Variants in CBLB observed in about 807,000 individuals in gnomAD.
The protein encoded by CBLB is Cbl proto-oncogene B.
Under a neutral mutation model 104.9 loss-of-function variants are expected in CBLB, and 31 were observed. The ratio of observed to expected loss-of-function variants is 0.30; its 90% CI spans 0.22 to 0.40. CBLB has a LOEUF of 0.40. Among genes scored for constraint, CBLB ranks in the 10% least tolerant of loss-of-function variants. The probability of loss-of-function intolerance (pLI) is 1.00; values close to 1 mark genes in which losing one functional copy is unlikely to be tolerated. For synonymous variants in CBLB, 440 were observed against 422.6 expected (o/e 1.04, Z -0.51); for missense variants, 1,062 against 1,214.6 (o/e 0.87, Z 1.87).
At chr3:105,664,520 A>G (rs2064156104) in intron 18 of CBLB, among the ~76,000 whole-genome samples, 1 of 152,182 alleles carries the variant, frequency 6.6e-6, no homozygotes, top group Admixed American at 6.5e-5. Context: ...AATGTTCCTT[A>G]TTGAAGATAG....
At chr3:105,736,441 G>C (rs2074949230) in intron 8 of CBLB, among the ~76,000 whole-genome samples, 1 of 152,096 alleles carries the variant, frequency 6.6e-6, no homozygotes, top group Non-Finnish European at 1.5e-5. Flanking sequence ...TTATTTTACA[G>C]TACAAGATGC....
intron 18 of CBLB, among the ~76,000 whole-genome samples, chr3:105,663,250 A>G (rs2064006124): frequency 6.6e-6 from 1 of 152,214 alleles, no homozygotes. Context: ...GACTGAACTA[A>G]GGGAAGAACC....
chr3:105,771,837 A>G (rs548422611), intron 4 of CBLB, among the ~76,000 whole-genome samples: 12 of 152,322 alleles, frequency 7.9e-5, no homozygotes, highest in African/African-American at 2.9e-4. Context: ...CAAGGAGGTG[A>G]AAGATCTCTA....
rs537611662 is a variant in CBLB, at chr3:105,823,998, C to A, written c.419+29416G>T. 2.0e-5 allele frequency among the ~76,000 whole-genome samples: 3 copies of A among 152,318 alleles called. No homozygotes were observed. The South Asian group carries it at 6.2e-4, about 32-fold the overall frequency. On this transcript the variant is annotated intron_variant, in intron 3 of 18. Coordinates refer to ENST00000394030, the MANE Select transcript of CBLB (RefSeq NM_170662.5). ...CAAATAAACTCTGACATTTCTCCCT[C>A]ACATTCTCACCTTTCCTACTTCACC... is the stretch of plus-strand genomic sequence containing the variant.
chr3:105,861,079 T>C (rs2092043782), intron 2 of CBLB, among the ~76,000 whole-genome samples: 1 of 152,126 alleles, frequency 6.6e-6, no homozygotes, highest in African/African-American at 2.4e-5. Context: ...GTTGGATATT[T>C]TCAAAATGTG....
chr3:105,799,218 G>A (rs2082572480), intron 3 of CBLB, among the ~76,000 whole-genome samples: 1 of 141,764 alleles, frequency 7.1e-6, no homozygotes, highest in Admixed American at 6.9e-5. Flanking sequence ...TTAAGAAAAT[G>A]AAGAAAAAAG....
intron 2 of CBLB, among the ~76,000 whole-genome samples, chr3:105,857,808 C>T (rs1386254262): frequency 6.6e-6 from 1 of 152,160 alleles, no homozygotes; most frequent in East Asian, 1.9e-4. Flanking sequence ...TGCCCTCAAG[C>T]AGCTGCCTAG....
In CBLB at chr3:105,767,105, A is replaced by G. The variant is rs529634953; in HGVS notation, c.566+9291T>C. Among the ~76,000 whole-genome samples, 259 of 152,258 alleles carry G rather than the reference A, an allele frequency of 1.7e-3. 3 individuals are homozygous for G. Among genetic ancestry groups the G allele is most frequent in the Middle Eastern group, 0.017 (5 of 294 alleles). ...CTGAAATTTTTTTTAACAGGCAACA[A>G]AGGGAGGTAGCTAACTAGTAGAAAT... On this transcript the variant is annotated intron_variant, in intron 4 of 18. Coordinates refer to ENST00000394030, the MANE Select transcript of CBLB (RefSeq NM_170662.5).
At chr3:105,679,217 T>C (rs2066006201) in intron 16 of CBLB, among the ~76,000 whole-genome samples, 1 of 151,892 alleles carries the variant, frequency 6.6e-6, no homozygotes, top group African/African-American at 2.4e-5. Context: ...AAGCACTACT[T>C]ACATTTGCAT....
At chr3:105,843,788 T>C (rs1163373194) in intron 3 of CBLB, among the ~76,000 whole-genome samples, 2 of 152,190 alleles carry the variant, frequency 1.3e-5, no homozygotes, top group Non-Finnish European at 2.9e-5. Context: ...AGTAATTTTG[T>C]TTGCTATTAT....
At chr3:105,801,341 A>G (rs570736173) in intron 3 of CBLB, among the ~76,000 whole-genome samples, 54 of 152,334 alleles carry the variant, frequency 3.5e-4, no homozygotes, top group Admixed American at 1.3e-3. Flanking sequence ...GGTAAAAGAT[A>G]GTATTTTTAA....
At chr3:105,782,726 C>T (rs1326847264) in intron 3 of CBLB, among the ~76,000 whole-genome samples, 1 of 151,898 alleles carries the variant, frequency 6.6e-6, no homozygotes, top group Non-Finnish European at 1.5e-5. Flanking sequence ...GTGTATGCCA[C>T]CACACCTGGC....
In CBLB at chr3:105,737,199, G is replaced by T; in HGVS notation, c.1043C>A (p.Thr348Lys). The T allele has an allele frequency of 6.3e-7, 1 of 1,590,134 alleles. No individual in the cohort carries two copies. Among genetic ancestry groups the T allele is most frequent in the Admixed American group, 1.7e-5 (1 of 59,746 alleles). ...TGTAACTTTTATATGGTCATGAGGT[G>T]TAGGTTCACATAATCCAGTTAAATC... The part of the protein sequence containing the change: ...NPDLTGLCEP[T>K]PHDHIKVTQE... The change falls in exon 8 of 19, where the codon ACA becomes AAA. Residue 348 changes from threonine to lysine, a missense_variant. Thr to Lys is a moderately conservative substitution (Grantham distance 78). Transcript: ENST00000394030.
Position 105,748,062 on chromosome 3 carries a change from G to A in CBLB, c.724-2024C>T, listed in dbSNP as rs935131355. ...TACTTATGTGCTTTTTCTTTTTAAA[G>A]TATTTCGACAACTACTGGCTTAAAA... On this transcript the variant is annotated intron_variant, in intron 5 of 18. Transcript: ENST00000394030. Among the ~76,000 whole-genome samples, 4 of 152,084 alleles carry A rather than the reference G, an allele frequency of 2.6e-5. No homozygotes were observed. In the East Asian group the frequency reaches 7.7e-4, roughly 29 times the overall value.
intron 3 of CBLB, among the ~76,000 whole-genome samples, chr3:105,808,206 C>T (rs190982229): frequency 5.5e-4 from 83 of 152,292 alleles, no homozygotes; most frequent in Admixed American, 1.7e-3. Context: ...CAACCTTCTA[C>T]AAAGCCATTT....
rs188584913 is a variant in CBLB at position 105,819,183 on chromosome 3, G to C, written c.419+34231C>G. 9.5e-4 allele frequency among the ~76,000 whole-genome samples: 145 copies of C among 152,272 alleles called. 2 individuals are homozygous for C. In the Middle Eastern group the frequency reaches 0.014, roughly 14 times the overall value. On this transcript the variant is annotated intron_variant, in intron 3 of 18. Coordinates refer to ENST00000394030, the MANE Select transcript of CBLB (RefSeq NM_170662.5). The stretch of plus-strand genomic sequence containing the variant: ...ATTTAAGTTGGAGCATAAATTAACA[G>C]ATTCATCAAAACACATAATGAGGCC...
chr3:105,708,154 T>C (rs898883370), intron 10 of CBLB, among the ~76,000 whole-genome samples: 2 of 152,078 alleles, frequency 1.3e-5, no homozygotes, highest in African/African-American at 2.4e-5. Flanking sequence ...TCTTCCACAG[T>C]TCTAATCCCC....
At chr3:105,660,077 G>A (rs2152664080) in intron 18 of CBLB, among the ~76,000 whole-genome samples, 1 of 152,166 alleles carries the variant, frequency 6.6e-6, no homozygotes, top group East Asian at 1.9e-4. Context: ...AAAAGAAAAG[G>A]TCCCAGGTCA....
chr3:105,659,235 T>C lies in CBLB; in HGVS notation c.2690-6A>G, dbSNP rs572808657. The C allele has an allele frequency of 6.2e-7, 1 of 1,613,552 alleles. No individual in the cohort carries two copies. Among genetic ancestry groups the C allele is most frequent in the South Asian group, 1.1e-5 (1 of 91,080 alleles). ...GGCTGGTGCCTGTGAACCATCTGTG[T>C]AGATTTTTAAAGAGAGATACTATTT... On this transcript the variant is annotated splice_polypyrimidine_tract_variant and splice_region_variant and intron_variant, in intron 18 of 18. Transcript: ENST00000394030.
Sources: gnomAD v4.1 joint callset for allele counts (sites outside exome capture counted in the v4.1 genomes callset) on GRCh38, gnomAD v4.1.1 for gene constraint, MANE v1.5 for transcripts, NCBI Gene and HGNC (gene_info 2026-07-23, HGNC 2026-07-21) for gene names.